CEP83: variants seen among roughly 807,000 people sequenced by gnomAD.
CEP83 encodes the protein centrosomal protein of 83 kDa.
Under a neutral mutation model 101.9 loss-of-function variants are expected in CEP83, and 70 were observed. That is an observed-to-expected ratio of 0.69 (90% CI 0.57 to 0.84). The LOEUF is 0.84. Ranked by LOEUF, CEP83 falls within the 40% of genes least tolerant of loss-of-function variation. The probability of loss-of-function intolerance (pLI) is 0.00; values close to 1 mark genes in which losing one functional copy is unlikely to be tolerated. For missense variants in CEP83, 715 were observed against 787.2 expected (o/e 0.91, Z 1.10); for synonymous variants, 264 against 267.9 (o/e 0.99, Z 0.14).
Position 94,368,186 on chromosome 12 carries a change from T to A in CEP83, c.1064A>T (p.Asn355Ile). 1 of 1,612,294 alleles carries A rather than the reference T, an allele frequency of 6.2e-7. No individual in the cohort carries two copies. Among genetic ancestry groups the A allele is most frequent in the South Asian group, 1.1e-5 (1 of 90,626 alleles). ...QSELDGLQSD[N>I]EILKAAVEHH... is the part of the protein sequence containing the mutation. ...TTCAACAGCTGCTTTGAGAATTTCA[T>A]TGTCTGACTGTAATCCTAGTGTTTT... is the stretch of plus-strand genomic sequence containing the variant. Residue 355 changes from asparagine (N) to isoleucine (I), a missense_variant, in exon 10 of 17, where the codon AAT becomes ATT. Transcript: ENST00000397809.
At chr12:94,370,434 C>G (rs977199859) in intron 8 of CEP83, among the ~76,000 whole-genome samples, 5 of 152,204 alleles carry the variant, frequency 3.3e-5, no homozygotes, top group African/African-American at 9.7e-5. Context: ...AGTGCAGTGG[C>G]ACGATCATAG....
chr12:94,272,991 G>A, the CEP83 span, among the ~76,000 whole-genome samples: 2 of 152,142 alleles, frequency 1.3e-5, no homozygotes, highest in Non-Finnish European at 2.9e-5. Flanking sequence ...TCTTCGCTTC[G>A]CAGCCCAGAG....
chr12:94,301,022 G>A, the CEP83 span: 1 of 1,613,886 alleles, frequency 6.2e-7, no homozygotes, highest in Non-Finnish European at 8.5e-7. Flanking sequence ...GGCATTCATG[G>A]ATGCATTTTC....
chr12:94,335,571 T>C lies in CEP83; in HGVS notation c.1419+18A>G. The C allele has an allele frequency of 6.7e-7, 1 of 1,484,158 alleles. No homozygotes were observed. Among genetic ancestry groups the C allele is most frequent in the African/African-American group, 1.4e-5 (1 of 71,022 alleles). 91.9% of individuals were successfully genotyped at this position (1,484,158 alleles called of 1,614,324 possible). ...AGCACTTGAAAAAATAAAAGGAAAATCTTCGCTAAAATCATACCTGTTTTA... is the reference window on the plus strand; with the variant it reads ...AGCACTTGAAAAAATAAAAGGAAAACCTTCGCTAAAATCATACCTGTTTTA... On this transcript the variant is annotated intron_variant, in intron 12 of 16. Coordinates refer to ENST00000397809, the MANE Select transcript of CEP83 (RefSeq NM_016122.3).
intron 6 of CEP83, among the ~76,000 whole-genome samples, chr12:94,380,071 C>CAAAAAAAA (rs11362391): frequency 2.4e-4 from 20 of 83,178 alleles, no homozygotes; most frequent in South Asian, 4.1e-4. Context: ...CCCGGCCCTG[C>CAAAAAAAA]AAAAAAAAAA....
chr12:94,343,470 C>CTTTTTTTTTTTTTTT lies in CEP83; in HGVS notation c.1344-7821_1344-7807dup, dbSNP rs1161481202. ...ACAATGCAATAAAGCTAGAAATTAA[C>CTTTTTTTTTTTTTTT]TTTTTTTTTTTTTTTTTTTTTTTTT... On this transcript the variant is annotated intron_variant, in intron 11 of 16. Transcript: ENST00000397809. Among the ~76,000 whole-genome samples, 38 of 84,174 alleles carry CTTTTTTTTTTTTTTT rather than the reference C, an allele frequency of 4.5e-4. 4 individuals are homozygous for CTTTTTTTTTTTTTTT. Among genetic ancestry groups the CTTTTTTTTTTTTTTT allele is most frequent in the Non-Finnish European group, 6.2e-4 (29 of 46,438 alleles). 55.2% of individuals were successfully genotyped at this position (84,174 alleles called of 152,430 possible).
At chr12:94,388,281 C>T (rs1398582691) in intron 6 of CEP83, among the ~76,000 whole-genome samples, 1 of 152,200 alleles carries the variant, frequency 6.6e-6, no homozygotes, top group Non-Finnish European at 1.5e-5. Context: ...TTTGCAGCAA[C>T]ACAGATACAG....
intron 11 of CEP83, among the ~76,000 whole-genome samples, chr12:94,356,427 G>C (rs982598256): frequency 1.3e-5 from 2 of 152,144 alleles, no homozygotes; most frequent in Non-Finnish European, 2.9e-5. Context: ...TGACCCCCCA[G>C]ATCTTTCTTT....
intron 11 of CEP83, among the ~76,000 whole-genome samples, chr12:94,350,367 A>G (rs2060143903): frequency 1.3e-5 from 2 of 152,216 alleles, no homozygotes; most frequent in South Asian, 4.1e-4. Flanking sequence ...TGACAAGAGT[A>G]CCAAGGTCAT....
intron 1 of CEP83, among the ~76,000 whole-genome samples, chr12:94,444,251 T>C (rs951888866): frequency 6.6e-6 from 1 of 151,890 alleles, no homozygotes; most frequent in Non-Finnish European, 1.5e-5. Flanking sequence ...ATACAAAAAT[T>C]AGCCAGGCAT....
chr12:94,417,093 T>C (rs2064334341), intron 2 of CEP83, among the ~76,000 whole-genome samples: 1 of 152,066 alleles, frequency 6.6e-6, no homozygotes, highest in South Asian at 2.1e-4. Flanking sequence ...GTGGGAGGAT[T>C]GGTTGAGACC....
At chr12:94,347,819 TAAAG>T (rs1322466605) in intron 11 of CEP83, among the ~76,000 whole-genome samples, 2 of 152,212 alleles carry the variant, frequency 1.3e-5, no homozygotes, top group African/African-American at 2.4e-5. Context: ...TAAAGAGACA[TAAAG>T]AAACTTTTGG....
the CEP83 span, among the ~76,000 whole-genome samples, chr12:94,273,281 G>A: frequency 6.6e-6 from 1 of 152,110 alleles, no homozygotes; most frequent in East Asian, 1.9e-4. Context: ...CAGGTGGCAG[G>A]AGGTGGTTTT....
rs186388372 is a variant in CEP83 at position 94,392,068 on chromosome 12, T to A, written c.549+8782A>T. Among the ~76,000 whole-genome samples the A allele has an allele frequency of 3.4e-4, 52 of 152,288 alleles. 1 individual carries two copies. In the East Asian group the frequency reaches 9.8e-3, roughly 29 times the overall value. On this transcript the variant is annotated intron_variant, in intron 6 of 16. Transcript: ENST00000397809. ...AGACTTTAACACTCCACTGTCAATATTAGACAGATCAACGAGACAGAAGGT... is the reference window on the plus strand; with the variant it reads ...AGACTTTAACACTCCACTGTCAATAATAGACAGATCAACGAGACAGAAGGT...
chr12:94,423,634 C>G (rs2064952275), intron 2 of CEP83: 2 of 1,548,302 alleles, frequency 1.3e-6, no homozygotes, highest in Non-Finnish European at 1.7e-6. Context: ...TAGTCCTTAG[C>G]AGGGCCGACG....
At chr12:94,325,986 A>G (rs2058958617) in intron 14 of CEP83, among the ~76,000 whole-genome samples, 1 of 152,172 alleles carries the variant, frequency 6.6e-6, no homozygotes. Context: ...ACCTGAGTTG[A>G]TGTTAATGAG....
chr12:94,332,839 T>C (rs1264457292), intron 13 of CEP83, among the ~76,000 whole-genome samples: 1 of 151,882 alleles, frequency 6.6e-6, no homozygotes, highest in African/African-American at 2.4e-5. Flanking sequence ...AGAAGAAATT[T>C]GAAAAGAATA....
At chr12:94,343,469 A>ATTTTTTTT (rs1385057536) in intron 11 of CEP83, among the ~76,000 whole-genome samples, 1 of 126,166 alleles carries the variant, frequency 7.9e-6, no homozygotes, top group Non-Finnish European at 1.7e-5. Flanking sequence ...CTAGAAATTA[A>ATTTTTTTT]CTTTTTTTTT....
chr12:94,416,574 A>ACAC lies in CEP83; in HGVS notation c.-101-3984_-101-3983insGTG, dbSNP rs60134327. 8.5e-3 allele frequency among the ~76,000 whole-genome samples: 989 copies of ACAC among 116,738 alleles called. 5 individuals are homozygous for ACAC. The highest frequency in any genetic ancestry group is 0.014 in the South Asian group (58 of 4,010). 76.6% of individuals were successfully genotyped at this position (116,738 alleles called of 152,430 possible). On this transcript the variant is annotated intron_variant, in intron 2 of 16. Coordinates refer to ENST00000397809, the MANE Select transcript of CEP83 (RefSeq NM_016122.3). ...CATACACACACACACACACACACAC[A>ACAC]AAAAAAAAAAAACTGTAGTTCCACC...
Sources: allele counts gnomAD v4.1 joint callset (sites outside exome capture counted in the v4.1 genomes callset), GRCh38; gene constraint gnomAD v4.1.1; transcripts MANE v1.5; gene names NCBI Gene and HGNC (gene_info 2026-07-23, HGNC 2026-07-21).